The following TLE1 variants were observed in gnomAD, a reference collection of about 807,000 sequenced individuals.
TLE1 encodes the protein transducin-like enhancer protein 1.
TLE1 carries 21 observed loss-of-function variants against 89.8 expected under a neutral mutation model. That is an observed-to-expected ratio of 0.23 (90% CI 0.17 to 0.34). The LOEUF (loss-of-function observed/expected upper bound fraction) is 0.34. Among genes scored for constraint, TLE1 ranks in the 10% least tolerant of loss-of-function variants. TLE1 has a pLI of 1.00. For missense variants in TLE1, 795 were observed against 1,031.2 expected, an observed-to-expected ratio of 0.77 and a Z score of 3.14; for synonymous variants, 447 against 407.6, an observed-to-expected ratio of 1.10 and a Z score of -1.16.
intron 14 of TLE1, among the ~76,000 whole-genome samples, chr9:81,600,572 C>CCACATG: frequency 6.6e-6 from 1 of 151,426 alleles, no homozygotes; most frequent in African/African-American, 2.4e-5. Flanking sequence ...AAACTAATAC[C>CCACATG]CACATGGCAA....
chr9:81,636,882 A>G (rs1263117677), intron 6 of TLE1, among the ~76,000 whole-genome samples: 1 of 152,070 alleles, frequency 6.6e-6, no homozygotes, highest in Non-Finnish European at 1.5e-5. Flanking sequence ...GGATGCCTGT[A>G]ATCCCAACTA....
chr9:81,584,452 A>T lies in TLE1; in HGVS notation c.2201T>A (p.Phe734Tyr). ...AGGTGAGGAGTACTTACTCACCTGG[A>T]ATATGCTGGCTCCATAGGGGGTCCG... ...AWRTPYGASIFQSKESSSVLS... is the reference protein window; with the variant it reads ...AWRTPYGASIYQSKESSSVLS... The change falls in exon 19 of 20, where the codon TTC (phenylalanine) becomes TAC (tyrosine). Residue 734 changes from phenylalanine to tyrosine, a missense_variant. Physicochemically the swap from Phe to Tyr is conservative, Grantham distance 22. Coordinates refer to ENST00000376499, the MANE Select transcript of TLE1 (RefSeq NM_005077.5). The T allele has an allele frequency of 1.2e-6, 2 of 1,614,168 alleles. No individual in the cohort carries two copies. Among genetic ancestry groups the T allele is most frequent in the Non-Finnish European group, 1.7e-6 (2 of 1,180,014 alleles).
chr9:81,622,131 G>A (rs575674126), intron 8 of TLE1, among the ~76,000 whole-genome samples: 17 of 152,286 alleles, frequency 1.1e-4, no homozygotes, highest in African/African-American at 3.6e-4. Context: ...GTGCTAACAC[G>A]CCCTCTGAAA....
intron 8 of TLE1, among the ~76,000 whole-genome samples, chr9:81,623,051 G>A (rs1385255661): frequency 2.6e-5 from 4 of 152,184 alleles, no homozygotes; most frequent in Non-Finnish European, 5.9e-5. Context: ...CTTGATATAA[G>A]CAAACAGTTC....
chr9:81,678,971 T>A (rs1833251372), intron 4 of TLE1, among the ~76,000 whole-genome samples: 1 of 151,942 alleles, frequency 6.6e-6, no homozygotes, highest in Non-Finnish European at 1.5e-5. Flanking sequence ...AGAAACCCCA[T>A]CTCTACCAAA....
At chr9:81,656,686 A>G (rs1385764606) in intron 4 of TLE1, among the ~76,000 whole-genome samples, 1 of 152,200 alleles carries the variant, frequency 6.6e-6, no homozygotes, top group East Asian at 1.9e-4. Context: ...TTTGTTAATC[A>G]AACATGTGTC....
At chr9:81,594,278 C>T (rs868008671) in intron 14 of TLE1, among the ~76,000 whole-genome samples, 5 of 152,078 alleles carry the variant, frequency 3.3e-5, no homozygotes, top group African/African-American at 1.2e-4. Flanking sequence ...TTGGAACCAA[C>T]CCAAATGCCC....
At chr9:81,650,242 C>T (rs1054040951) in intron 6 of TLE1, among the ~76,000 whole-genome samples, 6 of 152,204 alleles carry the variant, frequency 3.9e-5, no homozygotes, top group Non-Finnish European at 7.3e-5. Flanking sequence ...TACCTATGAA[C>T]ATCTGGTTAA....
intron 14 of TLE1, among the ~76,000 whole-genome samples, chr9:81,607,944 T>G (rs1029413348): frequency 6.6e-6 from 1 of 152,248 alleles, no homozygotes; most frequent in Non-Finnish European, 1.5e-5. Flanking sequence ...ATCAAATTAT[T>G]GTGAAACAGA....
intron 14 of TLE1, chr9:81,600,053 C>G (rs770509372): frequency 3.0e-5 from 22 of 724,018 alleles, no homozygotes; most frequent in South Asian, 9.0e-5. Context: ...GTTCTAGGAC[C>G]TAACTTCCTC....
chr9:81,606,039 A>T (rs1396439077), intron 14 of TLE1, among the ~76,000 whole-genome samples: 1 of 152,242 alleles, frequency 6.6e-6, no homozygotes, highest in African/African-American at 2.4e-5. Flanking sequence ...ATCACTGGCC[A>T]TCAGAGAAAT....
intron 1 of TLE1, 105 bp downstream of exon 1, chr9:81,688,112 G>A (rs1280518366): frequency 2.1e-5 from 30 of 1,444,764 alleles, no homozygotes; most frequent in African/African-American, 2.9e-5. Context: ...ACCGCTGAGG[G>A]CGAGAAGGTC....
At chr9:81,624,856 G>A (rs1421897839) in intron 8 of TLE1, among the ~76,000 whole-genome samples, 1 of 152,060 alleles carries the variant, frequency 6.6e-6, no homozygotes, top group Non-Finnish European at 1.5e-5. Context: ...ACAGCCCACG[G>A]AGGACATTAC....
intron 4 of TLE1, among the ~76,000 whole-genome samples, chr9:81,672,701 A>T (rs1375723842): frequency 6.6e-6 from 1 of 152,060 alleles, no homozygotes; most frequent in Non-Finnish European, 1.5e-5. Flanking sequence ...CCAAGCAACA[A>T]CTTGACCCTC....
rs893142329 is a variant in TLE1 at position 81,636,149 on chromosome 9, A to T, written c.373-1848T>A. Among the ~76,000 whole-genome samples, 25 of 152,168 alleles carry T rather than the reference A, an allele frequency of 1.6e-4. 2 individuals carry two copies. Among genetic ancestry groups the T allele is most frequent in the Non-Finnish European group, 1.5e-5 (1 of 68,026 alleles). ...ATTCATAGCATTCTTGGAAAGTATA[A>T]ACTACTCATTCACCATTTGAGATCA... On this transcript the variant is annotated intron_variant, in intron 6 of 19. Coordinates refer to ENST00000376499, the MANE Select transcript of TLE1 (RefSeq NM_005077.5).
At chr9:81,686,602 A>G (rs902963895) in intron 2 of TLE1, among the ~76,000 whole-genome samples, 3 of 152,244 alleles carry the variant, frequency 2.0e-5, no homozygotes, top group African/African-American at 4.8e-5. Context: ...ATGTCAATAC[A>G]GTTATTTCTG....
At chr9:81,665,545 G>C (rs1831353758) in intron 4 of TLE1, among the ~76,000 whole-genome samples, 1 of 152,242 alleles carries the variant, frequency 6.6e-6, no homozygotes, top group East Asian at 1.9e-4. Context: ...GCTGAAGGCT[G>C]CTTGGGCACA....
In TLE1 at chr9:81,618,618, C is replaced by T. The variant is rs543432621; in HGVS notation, c.711+1823G>A. Among the ~76,000 whole-genome samples, 32 of 152,154 alleles carry T rather than the reference C, an allele frequency of 2.1e-4. 1 individual carries two copies. The highest frequency in any genetic ancestry group is 1.0e-3 in the Admixed American group (16 of 15,278). ...CAATAAAGAACAAAACTAATACTAACGAAAATCTGTTTTCTCTTGGTAAAG... is the reference window on the plus strand; with the variant it reads ...CAATAAAGAACAAAACTAATACTAATGAAAATCTGTTTTCTCTTGGTAAAG... On this transcript the variant is annotated intron_variant, in intron 9 of 19. Coordinates refer to ENST00000376499, the MANE Select transcript of TLE1 (RefSeq NM_005077.5).
At chr9:81,598,353 C>G (rs937326404) in intron 14 of TLE1, among the ~76,000 whole-genome samples, 2 of 152,164 alleles carry the variant, frequency 1.3e-5, no homozygotes, top group African/African-American at 4.8e-5. Flanking sequence ...CAAGTACACG[C>G]CGCTTCCTCC....
Sources: gnomAD v4.1 joint callset for allele counts (sites outside exome capture counted in the v4.1 genomes callset) on GRCh38, gnomAD v4.1.1 for gene constraint, MANE v1.5 for transcripts, NCBI Gene and HGNC (gene_info 2026-07-23, HGNC 2026-07-21) for gene names.